Variants in USP7 observed in about 807,000 individuals in gnomAD.
USP7 encodes the protein ubiquitin specific peptidase 7.
Under a neutral mutation model 162.9 loss-of-function variants are expected in USP7, and 9 were observed. The ratio of observed to expected loss-of-function variants is 0.06; its 90% CI spans 0.03 to 0.10. The LOEUF (loss-of-function observed/expected upper bound fraction) is 0.10. USP7 is among the 10% of genes least tolerant of loss of function. The pLI is 1.00. For missense variants in USP7, 715 were observed against 1,373.7 expected, an observed-to-expected ratio of 0.52 and a Z score of 7.58; for synonymous variants, 562 against 475.9, an observed-to-expected ratio of 1.18 and a Z score of -2.35.
intron 10 of USP7, among the ~76,000 whole-genome samples, chr16:8,914,792 G>A (rs1008456715): frequency 1.3e-5 from 2 of 152,014 alleles, no homozygotes; most frequent in East Asian, 1.9e-4. Context: ...GGTGGCACAC[G>A]CCTGTGTTCC....
In USP7 at chr16:8,930,406, A is replaced by C; in HGVS notation, c.80-9T>G. The C allele has an allele frequency of 1.9e-6, 3 of 1,596,412 alleles. No homozygotes were observed. Among genetic ancestry groups the C allele is most frequent in the Non-Finnish European group, 2.6e-6 (3 of 1,171,416 alleles). ...GTCATCTGTATCTCCCGCTTTAAAG[A>C]AGAAAAAGAAATTCCACGGGTTTTA... On this transcript the variant is annotated splice_polypyrimidine_tract_variant and intron_variant, in intron 1 of 30. Coordinates refer to ENST00000344836, the MANE Select transcript of USP7 (RefSeq NM_003470.3).
At position 8,900,523 on chromosome 16, in the gene USP7, T is replaced by A. The variant is rs1230496930; in HGVS notation, c.2309+7A>T. ...CAAAGTGATACAATCCTTCACAAAG[T>A]ACATACTTCTGAAATACTATGATGT... On this transcript the variant is annotated splice_region_variant and intron_variant, in intron 21 of 30. Coordinates refer to ENST00000344836, the MANE Select transcript of USP7 (RefSeq NM_003470.3). The A allele has an allele frequency of 3.1e-6, 5 of 1,588,384 alleles. No homozygotes were observed. The highest frequency in any genetic ancestry group is 4.3e-6 in the Non-Finnish European group (5 of 1,166,026).
intron 1 of USP7, among the ~76,000 whole-genome samples, chr16:8,937,448 A>T (rs1052896298): frequency 6.6e-6 from 1 of 152,222 alleles, no homozygotes; most frequent in Non-Finnish European, 1.5e-5. Context: ...AGGCTGAGGC[A>T]GGAGAATCAC....
chr16:8,940,595 C>T (rs938994601), intron 1 of USP7, among the ~76,000 whole-genome samples: 5 of 152,206 alleles, frequency 3.3e-5, no homozygotes, highest in African/African-American at 4.8e-5. Flanking sequence ...TGTAAGCTCC[C>T]GAGGCATCCA....
At chr16:8,896,931 A>G in intron 26 of USP7, 68 bp downstream of exon 26, 2 of 1,202,336 alleles carry the variant, frequency 1.7e-6, no homozygotes, top group Middle Eastern at 1.9e-4. Context: ...CACCAACGCA[A>G]CTGCAGAGGT....
intron 25 of USP7, among the ~76,000 whole-genome samples, chr16:8,898,139 T>C (rs551594401): frequency 6.6e-6 from 1 of 152,274 alleles, no homozygotes; most frequent in South Asian, 2.1e-4. Flanking sequence ...AAGGGTTGGC[T>C]GCCGAATGGT....
At chr16:8,922,545 T>G (rs747762833) in intron 3 of USP7, among the ~76,000 whole-genome samples, 2 of 152,170 alleles carry the variant, frequency 1.3e-5, no homozygotes, top group Non-Finnish European at 2.9e-5. Context: ...GGGGAACATG[T>G]TACTGAGGGT....
Position 8,895,785 on chromosome 16 carries a change from T to C in USP7, c.2820-44A>G, listed in dbSNP as rs187928435. ...AAAATAGGGCAAAATGAAGTATATA[T>C]ATTCACATAAAAATAAAATGGTTTT... On this transcript the variant is annotated intron_variant, in intron 26 of 30. Coordinates refer to ENST00000344836, the MANE Select transcript of USP7 (RefSeq NM_003470.3). 1.3e-4 allele frequency: 159 copies of C among 1,269,578 alleles called. 2 individuals carry two copies. In the East Asian group the frequency reaches 2.0e-3, roughly 16 times the overall value. The allele number at this position is 1,269,578 out of a possible 1,614,324, so 78.6% of individuals were successfully genotyped here. A position where few individuals can be genotyped will look rare whatever the true frequency, so the allele number is the denominator to read the frequency against.
intron 1 of USP7, among the ~76,000 whole-genome samples, chr16:8,936,191 C>T (rs888600334): frequency 3.3e-5 from 5 of 152,178 alleles, no homozygotes; most frequent in African/African-American, 9.7e-5. Context: ...CCCCCAGATC[C>T]TTCCACTAGT....
Position 8,905,351 on chromosome 16 carries a change from C to T in USP7, c.1429-20G>A, listed in dbSNP as rs199682323. On this transcript the variant is annotated intron_variant, in intron 13 of 30. Coordinates refer to ENST00000344836, the MANE Select transcript of USP7 (RefSeq NM_003470.3). ...ACACCACTGCAAGGAAAACAACACA[C>T]ACCAGCAGCGATCAAGCACTGTGAC... 3.4e-3 allele frequency: 5,497 copies of T among 1,610,736 alleles called. 9 individuals are homozygous for T. Among genetic ancestry groups the T allele is most frequent in the Non-Finnish European group, 4.3e-3 (5,027 of 1,176,936 alleles).
rs371711096 is a variant in USP7 at position 8,893,478 on chromosome 16, G to A, written c.*520C>T. 5.8e-5 allele frequency: 9 copies of A among 154,560 alleles called. No individual in the cohort carries two copies. In the South Asian group the frequency reaches 6.0e-4, roughly 10 times the overall value. 9.6% of individuals were successfully genotyped at this position (154,560 alleles called of 1,614,324 possible). A position where few individuals can be genotyped will look rare whatever the true frequency, so the allele number is the denominator to read the frequency against. On this transcript the variant is annotated 3_prime_UTR_variant, in exon 31 of 31. Coordinates refer to ENST00000344836, the MANE Select transcript of USP7 (RefSeq NM_003470.3). ...GAGGAGGAGAACCCGAGGAAGGGCC[G>A]ACAATGCACACAATGAAGGGAAGAG...
chr16:8,950,116 C>T (rs1899482431), intron 1 of USP7, among the ~76,000 whole-genome samples: 1 of 152,198 alleles, frequency 6.6e-6, no homozygotes, highest in Non-Finnish European at 1.5e-5. Context: ...TAAATAGCCA[C>T]ATGTACTTAT....
intron 26 of USP7, 99 bp from the exon 27 acceptor site, chr16:8,895,840 T>G (rs2061672929): frequency 9.9e-5 from 2 of 20,260 alleles, no homozygotes; most frequent in African/African-American, 4.4e-4. Flanking sequence ...CCACGATATG[T>G]TTTTTTTTTT....
chr16:8,900,768 G>A, intron 20 of USP7, 138 bp from the exon 21 acceptor site: 1 of 742,172 alleles, frequency 1.3e-6, no homozygotes, highest in Non-Finnish European at 2.1e-6. Context: ...AACAGGAAAA[G>A]CTAAATGAAT....
In USP7 at chr16:8,906,494, G is replaced by A. The variant is rs769796432; in HGVS notation, c.1360C>T (p.Leu454=). The part of the protein sequence containing the change: ...DPANYILHAV[L]VHSGDNHGGH... The stretch of plus-strand genomic sequence containing the variant: ...CCATGATTATCTCCACTATGAACCA[G>A]GACTGCATGAAGAATATAATTTGCA... The change falls in exon 13 of 31, where the codon CTG becomes TTG. Residue 454 remains leucine, a synonymous_variant. Transcript: ENST00000344836. 6.2e-7 allele frequency: 1 copy of A among 1,612,936 alleles called. No homozygotes were observed. Among genetic ancestry groups the A allele is most frequent in the East Asian group, 2.2e-5 (1 of 44,890 alleles).
chr16:8,953,420 T>G (rs1053969434), intron 1 of USP7, among the ~76,000 whole-genome samples: 2 of 152,022 alleles, frequency 1.3e-5, no homozygotes, highest in African/African-American at 4.8e-5. Context: ...CCAAGGACAC[T>G]CCTACTGCCA....
intron 20 of USP7, 169 bp downstream of exon 20, chr16:8,900,821 G>T: frequency 1.3e-6 from 1 of 759,070 alleles, no homozygotes; most frequent in Non-Finnish European, 2.1e-6. Context: ...TCTACAACAG[G>T]TAAAAAAAAA....
intron 1 of USP7, among the ~76,000 whole-genome samples, chr16:8,947,513 A>G (rs1210456902): frequency 6.6e-6 from 1 of 152,054 alleles, no homozygotes; most frequent in African/African-American, 2.4e-5. Flanking sequence ...ACACCCAGCT[A>G]ATTTTTGTAT....
At chr16:8,954,886 G>A (rs1596416294) in intron 1 of USP7, among the ~76,000 whole-genome samples, 1 of 152,142 alleles carries the variant, frequency 6.6e-6, no homozygotes, top group African/African-American at 2.4e-5. Context: ...TGTGAACCCG[G>A]GAGGCAGAGG....
Sources: allele counts gnomAD v4.1 joint callset (sites outside exome capture counted in the v4.1 genomes callset), GRCh38; gene constraint gnomAD v4.1.1; transcripts MANE v1.5; gene names NCBI Gene and HGNC (gene_info 2026-07-23, HGNC 2026-07-21).